Variants in CCNB3 observed in about 807,000 individuals in gnomAD.
The protein encoded by CCNB3 is G2/mitotic-specific cyclin-B3.
A neutral mutation model predicts 68.0 loss-of-function variants in CCNB3; 12 were observed. That is an observed-to-expected ratio of 0.18 (90% CI 0.11 to 0.29). The LOEUF is 0.29. Among genes scored for constraint, CCNB3 ranks in the 10% least tolerant of loss-of-function variants. The probability of loss-of-function intolerance (pLI) is 1.00; values close to 1 mark genes in which losing one functional copy is unlikely to be tolerated. For missense variants in CCNB3, 904 were observed against 993.1 expected, an observed-to-expected ratio of 0.91 and a Z score of 1.21; for synonymous variants, 354 against 388.9, an observed-to-expected ratio of 0.91 and a Z score of 1.06.
intron 11 of CCNB3, among the ~76,000 whole-genome samples, chrX:50,348,002 G>A (rs782815417): frequency 4.5e-5 from 5 of 111,416 alleles, no homozygotes; most frequent in Non-Finnish European, 9.4e-5. Context: ...TCCAAAGAAA[G>A]CTCACCTGAA....
chrX:50,307,969 T>C (rs370641483), intron 5 of CCNB3, among the ~76,000 whole-genome samples: 1 of 112,187 alleles, frequency 8.9e-6, no homozygotes, highest in Non-Finnish European at 1.9e-5. Flanking sequence ...CTGGCACATG[T>C]GACAAGTTTC....
intron 5 of CCNB3, among the ~76,000 whole-genome samples, chrX:50,303,674 G>A (rs1056254854): frequency 1.1e-4 from 12 of 109,763 alleles, no homozygotes; most frequent in East Asian, 2.8e-4. Flanking sequence ...TATAATAATC[G>A]TAAATAATTG....
chrX:50,227,123 T>G (rs1935868138), intron 1 of CCNB3, among the ~76,000 whole-genome samples: 1 of 79,851 alleles, frequency 1.3e-5, no homozygotes, highest in Non-Finnish European at 2.2e-5. Flanking sequence ...ATATAGAATA[T>G]ATACAAAAAT....
rs148706025 is a variant in CCNB3, at chrX:50,288,782, G to T, written c.99G>T (p.Thr33=). The T allele has an allele frequency of 2.0e-5, 24 of 1,191,623 alleles. No individual in the cohort carries two copies. Among genetic ancestry groups the T allele is most frequent in the Middle Eastern group, 2.3e-4 (1 of 4,322 alleles). Residue 33 remains threonine, a splice_region_variant and synonymous_variant, in exon 4 of 13, where the codon ACG becomes ACT. Transcript: ENST00000376042. ...VPSHHDPSEK[T]GENCQTKISP... is the part of the protein sequence containing the mutation. ...ATTTACCTCTTTTACTTTTTTAGACGGGGGAGAATTGCCAAACGAAGATAT... is the reference window on the plus strand; with the variant it reads ...ATTTACCTCTTTTACTTTTTTAGACTGGGGAGAATTGCCAAACGAAGATAT...
At chrX:50,217,746 C>T (rs1001142205) in intron 1 of CCNB3, among the ~76,000 whole-genome samples, 3 of 111,699 alleles carry the variant, frequency 2.7e-5, no homozygotes, top group Non-Finnish European at 3.8e-5. Context: ...TATTTCATTA[C>T]CCTCTTGCTG....
intron 1 of CCNB3, among the ~76,000 whole-genome samples, chrX:50,218,144 T>A (rs1459389233): frequency 1.8e-5 from 2 of 112,163 alleles, no homozygotes; most frequent in Non-Finnish European, 3.8e-5. Flanking sequence ...AATCTATTGT[T>A]GTTTTAATCT....
intron 8 of CCNB3, among the ~76,000 whole-genome samples, chrX:50,338,561 T>C (rs1488764147): frequency 8.9e-6 from 1 of 111,929 alleles, no homozygotes; most frequent in African/African-American, 3.2e-5. Context: ...ATAGATAACA[T>C]AACCAGTTAG....
At chrX:50,208,266 C>T (rs76961544) in intron 1 of CCNB3, among the ~76,000 whole-genome samples, 1 of 111,844 alleles carries the variant, frequency 8.9e-6, no homozygotes, top group East Asian at 2.8e-4. Context: ...GTTGTGGGAA[C>T]CCTCCCCAAA....
chrX:50,350,725 T>C (rs1923634128), intron 11 of CCNB3, among the ~76,000 whole-genome samples: 1 of 109,693 alleles, frequency 9.1e-6, no homozygotes, highest in Non-Finnish European at 1.9e-5. Flanking sequence ...AGATAGGGTC[T>C]TGCTCTGTTA....
chrX:50,296,087 C>T (rs1306584131), intron 5 of CCNB3, among the ~76,000 whole-genome samples: 2 of 111,289 alleles, frequency 1.8e-5, no homozygotes, highest in African/African-American at 6.5e-5. Context: ...TTTTGAATTT[C>T]TTTCATCATT....
intron 9 of CCNB3, among the ~76,000 whole-genome samples, chrX:50,343,494 A>G (rs1923241120): frequency 8.9e-6 from 1 of 112,118 alleles, no homozygotes; most frequent in Non-Finnish European, 1.9e-5. Flanking sequence ...GCTTGAGCCC[A>G]AGAATTTAAG....
intron 8 of CCNB3, among the ~76,000 whole-genome samples, chrX:50,334,297 C>A (rs1922741857): frequency 1.8e-5 from 2 of 112,774 alleles, no homozygotes. Context: ...CTCTACCAGG[C>A]TCTCTGATAC....
chrX:50,212,239 G>A (rs1935495461), intron 1 of CCNB3, among the ~76,000 whole-genome samples: 1 of 111,838 alleles, frequency 8.9e-6, no homozygotes, highest in African/African-American at 3.2e-5. Flanking sequence ...GGATAGCACA[G>A]GTTCATATAT....
rs781817931 is a variant in CCNB3 at position 50,294,879 on chromosome X, C to G, written c.221C>G (p.Pro74Arg). Reference sequence around the variant, plus strand: ...TTTTTGCAGGCTTCTCAATGTCAACCTGTCCAGCCCAAGAAAGAAGCCAAT... The same window carrying G: ...TTTTTGCAGGCTTCTCAATGTCAACGTGTCCAGCCCAAGAAAGAAGCCAAT... Reference protein sequence around the residue: ...EDLTNASQCQPVQPKKEANKE... With the variant: ...EDLTNASQCQRVQPKKEANKE... The change falls in exon 5 of 13, where the codon CCT becomes CGT. Residue 74 changes from proline (P) to arginine (R), a missense_variant. Pro to Arg is a moderately radical substitution (Grantham distance 103). Transcript: ENST00000376042. 4.2e-6 allele frequency: 5 copies of G among 1,201,719 alleles called. No homozygotes were observed. In the Admixed American group the frequency reaches 1.1e-4, roughly 27 times the overall value.
chrX:50,226,088 T>G (rs1359354922), intron 1 of CCNB3, among the ~76,000 whole-genome samples: 1 of 82,845 alleles, frequency 1.2e-5, no homozygotes, highest in East Asian at 3.6e-4. Flanking sequence ...AGAATATATA[T>G]GAATATATAT....
intron 3 of CCNB3, among the ~76,000 whole-genome samples, chrX:50,288,050 C>A (rs1050640494): frequency 1.3e-4 from 14 of 107,404 alleles, no homozygotes; most frequent in African/African-American, 4.4e-4. Flanking sequence ...CCATTTCCCC[C>A]AGATGGGACT....
intron 5 of CCNB3, among the ~76,000 whole-genome samples, chrX:50,308,204 A>G (rs1484692857): frequency 8.9e-6 from 1 of 112,449 alleles, no homozygotes; most frequent in African/African-American, 3.2e-5. Context: ...AACTCATACA[A>G]TGTGATAAGT....
chrX:50,351,474 C>G, intron 12 of CCNB3, 103 bp downstream of exon 12: 5 of 1,065,854 alleles, frequency 4.7e-6, no homozygotes, highest in Non-Finnish European at 6.5e-6. Context: ...AAGATTCAGG[C>G]ACTTTTCACC....
At chrX:50,299,944 T>C (rs1368366387) in intron 5 of CCNB3, among the ~76,000 whole-genome samples, 7 of 111,515 alleles carry the variant, frequency 6.3e-5, no homozygotes, top group Admixed American at 1.9e-4. Flanking sequence ...TATGAGAGAC[T>C]AGGATTGCAA....
Sources: gnomAD v4.1 joint callset for allele counts (sites outside exome capture counted in the v4.1 genomes callset) on GRCh38, gnomAD v4.1.1 for gene constraint, MANE v1.5 for transcripts, NCBI Gene and HGNC (gene_info 2026-07-23, HGNC 2026-07-21) for gene names.